The following PHLDB2 variants were observed in gnomAD, a reference collection of about 807,000 sequenced individuals.
PHLDB2 encodes the protein pleckstrin homology like domain family B member 2.
PHLDB2 carries 71 observed loss-of-function variants against 123.6 expected under a neutral mutation model. The ratio of observed to expected loss-of-function variants is 0.57; its 90% CI spans 0.47 to 0.70. The LOEUF (loss-of-function observed/expected upper bound fraction) is 0.70. PHLDB2 is among the 30% of genes least tolerant of loss of function. The probability of loss-of-function intolerance (pLI) is 0.00; values close to 1 mark genes in which losing one functional copy is unlikely to be tolerated. For missense variants in PHLDB2, 1,446 were observed against 1,519.5 expected (o/e 0.95, Z 0.80); for synonymous variants, 547 against 541.6 (o/e 1.01, Z -0.14).
chr3:111,796,469 C>T (rs58072614), intron 1 of PHLDB2, among the ~76,000 whole-genome samples: 6,073 of 152,278 alleles, frequency 0.04, 154 homozygotes, highest in Admixed American at 0.08. Context: ...TTAAACCAAT[C>T]TCTGAATCCC....
At position 111,920,266 on chromosome 3, in the gene PHLDB2, T is replaced by C; in HGVS notation, c.1864-16T>C. 6.2e-7 allele frequency: 1 copy of C among 1,610,378 alleles called. No homozygotes were observed. Among genetic ancestry groups the C allele is most frequent in the Non-Finnish European group, 8.5e-7 (1 of 1,178,752 alleles). On this transcript the variant is annotated splice_polypyrimidine_tract_variant and intron_variant, in intron 4 of 17. Transcript: ENST00000431670. The stretch of plus-strand genomic sequence containing the variant: ...CCAAAGGTGAAACACTTCTGAGCTT[T>C]GGTTTGTGTCCTTAGTTGGATATGG...
intron 1 of PHLDB2, among the ~76,000 whole-genome samples, chr3:111,793,047 T>A (rs2108208845): frequency 6.6e-6 from 1 of 152,232 alleles, no homozygotes; most frequent in South Asian, 2.1e-4. Context: ...CCTAGGATGT[T>A]CCCTCAAAGC....
chr3:111,792,500 G>C (rs2060970910), intron 1 of PHLDB2, among the ~76,000 whole-genome samples: 1 of 152,072 alleles, frequency 6.6e-6, no homozygotes, highest in African/African-American at 2.4e-5. Flanking sequence ...GAGCCCAGAA[G>C]TTCAAGACCA....
intron 2 of PHLDB2, among the ~76,000 whole-genome samples, chr3:111,911,013 A>G (rs1577065032): frequency 6.6e-6 from 1 of 152,240 alleles, no homozygotes; most frequent in African/African-American, 2.4e-5. Flanking sequence ...CCTGTTCACA[A>G]GCCTTTGAAT....
At chr3:111,790,012 T>TC (rs1201267848) in intron 1 of PHLDB2, among the ~76,000 whole-genome samples, 1 of 152,180 alleles carries the variant, frequency 6.6e-6, no homozygotes, top group Non-Finnish European at 1.5e-5. Flanking sequence ...GCCAGTGCTA[T>TC]CATGACTCCA....
At chr3:111,958,455 T>C (rs2071187807) in intron 12 of PHLDB2, among the ~76,000 whole-genome samples, 1 of 152,216 alleles carries the variant, frequency 6.6e-6, no homozygotes, top group Non-Finnish European at 1.5e-5. Context: ...CTCTACACAT[T>C]GTGTAATCGT....
intron 1 of PHLDB2, among the ~76,000 whole-genome samples, chr3:111,860,716 C>T (rs183076465): frequency 1.3e-5 from 2 of 152,178 alleles, no homozygotes; most frequent in Non-Finnish European, 2.9e-5. Flanking sequence ...GTAAACTACC[C>T]GTGGCTGGAA....
At chr3:111,826,728 C>A (rs1174842779) in intron 1 of PHLDB2, among the ~76,000 whole-genome samples, 1 of 152,110 alleles carries the variant, frequency 6.6e-6, no homozygotes, top group Non-Finnish European at 1.5e-5. Context: ...GCAATTCTGC[C>A]AGGGGAGGTG....
In PHLDB2 at chr3:111,920,282, T is replaced by G; in HGVS notation, c.1864T>G (p.Leu622Val). ...NDQMDESFRE[L>V]DMECALLDGE... ...TCTGAGCTTTGGTTTGTGTCCTTAGTTGGATATGGAATGTGCTCTTTTGGA... is the reference window on the plus strand; with the variant it reads ...TCTGAGCTTTGGTTTGTGTCCTTAGGTGGATATGGAATGTGCTCTTTTGGA... The change falls in exon 5 of 18, where the codon TTG becomes GTG. Residue 622 changes from leucine to valine, a missense_variant and splice_region_variant. Transcript: ENST00000431670. 1 of 1,612,884 alleles carries G rather than the reference T, an allele frequency of 6.2e-7. No homozygotes were observed. The highest frequency in any genetic ancestry group is 8.5e-7 in the Non-Finnish European group (1 of 1,179,622).
chr3:111,849,676 T>C (rs186238849), intron 2 of PHLDB2, among the ~76,000 whole-genome samples: 13 of 152,312 alleles, frequency 8.5e-5, no homozygotes, highest in African/African-American at 2.9e-4. Flanking sequence ...TTATACAAAA[T>C]AGACACTTGC....
intron 1 of PHLDB2, among the ~76,000 whole-genome samples, chr3:111,866,014 A>ATTTTTTTTTTTTTCTT (rs2065054034): frequency 1.7e-5 from 1 of 57,430 alleles, no homozygotes; most frequent in Non-Finnish European, 3.0e-5. Flanking sequence ...CCACCCACTC[A>ATTTTTTTTTTTTTCTT]TTTTTTTTTT....
At chr3:111,816,780 G>A (rs2062095459) in intron 1 of PHLDB2, among the ~76,000 whole-genome samples, 1 of 152,080 alleles carries the variant, frequency 6.6e-6, no homozygotes, top group Non-Finnish European at 1.5e-5. Flanking sequence ...GATTTGAGAG[G>A]GGCCAACAGT....
intron 1 of PHLDB2, among the ~76,000 whole-genome samples, chr3:111,860,105 C>G (rs1024302179): frequency 4.0e-5 from 6 of 151,834 alleles, no homozygotes; most frequent in Non-Finnish European, 8.8e-5. Flanking sequence ...AGAAAACAGG[C>G]AGAATGTGGG....
chr3:111,808,638 C>T (rs1427906766), intron 1 of PHLDB2, among the ~76,000 whole-genome samples: 1 of 151,990 alleles, frequency 6.6e-6, no homozygotes, highest in Non-Finnish European at 1.5e-5. Flanking sequence ...TATTCTTAAG[C>T]AATACATGTA....
chr3:111,902,497 CAT>C (rs1237432654), intron 2 of PHLDB2, among the ~76,000 whole-genome samples: 1 of 152,086 alleles, frequency 6.6e-6, no homozygotes, highest in Non-Finnish European at 1.5e-5. Flanking sequence ...ATTACTTTAG[CAT>C]ATGTTAGTAA....
chr3:111,898,454 A>G (rs186621133), intron 2 of PHLDB2, among the ~76,000 whole-genome samples: 19 of 152,230 alleles, frequency 1.2e-4, no homozygotes, highest in Admixed American at 3.3e-4. Flanking sequence ...AAGTGCTGGG[A>G]TTACAGGTGT....
intron 1 of PHLDB2, among the ~76,000 whole-genome samples, chr3:111,745,106 G>A (rs1407039187): frequency 6.6e-6 from 1 of 152,104 alleles, no homozygotes; most frequent in Non-Finnish European, 1.5e-5. Context: ...ATGGGACAGA[G>A]GAACAAAACA....
At chr3:111,921,224 T>C (rs2068482566) in intron 5 of PHLDB2, among the ~76,000 whole-genome samples, 1 of 152,174 alleles carries the variant, frequency 6.6e-6, no homozygotes, top group Admixed American at 6.5e-5. Context: ...AGAGCAGAAC[T>C]AAAAATAAAA....
chr3:111,789,415 T>C (rs898390385), intron 1 of PHLDB2, among the ~76,000 whole-genome samples: 1 of 152,210 alleles, frequency 6.6e-6, no homozygotes, highest in South Asian at 2.1e-4. Context: ...GTCAGGATTA[T>C]TTTAGAGGCC....
Sources: gnomAD v4.1 joint callset for allele counts (sites outside exome capture counted in the v4.1 genomes callset) on GRCh38, gnomAD v4.1.1 for gene constraint, MANE v1.5 for transcripts, NCBI Gene and HGNC (gene_info 2026-07-23, HGNC 2026-07-21) for gene names.